The following GART variants were observed in gnomAD, a reference collection of about 807,000 sequenced individuals.
The protein encoded by GART is phosphoribosylglycinamide formyltransferase, phosphoribosylglycinamide synthetase, phosphoribosylaminoimidazole synthetase, also known as trifunctional purine biosynthetic protein adenosine-3.
Under a neutral mutation model 107.2 loss-of-function variants are expected in GART, and 43 were observed. The ratio of observed to expected loss-of-function variants is 0.40; its 90% CI spans 0.31 to 0.52. GART has a LOEUF of 0.52. Ranked by LOEUF, GART falls within the 20% of genes least tolerant of loss-of-function variation. GART has a pLI of 0.52. For missense variants in GART, 1,107 were observed against 1,206.5 expected (o/e 0.92, Z 1.22); for synonymous variants, 434 against 427.0 (o/e 1.02, Z -0.20).
Position 33,528,346 on chromosome 21 carries a change from A to C in GART, c.898-11T>G. 6.2e-7 allele frequency: 1 copy of C among 1,613,140 alleles called. No individual in the cohort carries two copies. The highest frequency in any genetic ancestry group is 1.3e-5 in the African/African-American group (1 of 75,052). On this transcript the variant is annotated splice_polypyrimidine_tract_variant and intron_variant, in intron 9 of 21. Coordinates refer to ENST00000381815, the MANE Select transcript of GART (RefSeq NM_000819.5). ...AAGTGGGAGGATTACCTGGAAAAACATAATCCACATGGCAGGTGGGATAAA... is the reference window on the plus strand; with the variant it reads ...AAGTGGGAGGATTACCTGGAAAAACCTAATCCACATGGCAGGTGGGATAAA...
chr21:33,507,596 G>A (rs543903231), intron 18 of GART, among the ~76,000 whole-genome samples: 4 of 152,230 alleles, frequency 2.6e-5, no homozygotes, highest in Admixed American at 6.5e-5. Flanking sequence ...CAAGGCAGGC[G>A]GATCATACTG....
rs773361789 is a variant in GART at position 33,539,165 on chromosome 21, G to T, written c.145+6C>A. On this transcript the variant is annotated splice_donor_region_variant and intron_variant, in intron 2 of 21. Coordinates refer to ENST00000381815, the MANE Select transcript of GART (RefSeq NM_000819.5). ...ACTATTACTCCCCACTTTAAAACAT[G>T]ATTACCGGTATTTGAAATCTTTTCA... 1 of 1,610,168 alleles carries T rather than the reference G, an allele frequency of 6.2e-7. No homozygotes were observed. The highest frequency in any genetic ancestry group is 1.3e-5 in the African/African-American group (1 of 74,598).
chr21:33,524,770 T>G lies in GART; in HGVS notation c.1297A>C (p.Arg433=). ...CAGCTAACTTGCTTAGAGTTTTACCTGGGCTGCTGGAGGAAAGCTATGGCA... is the reference window on the plus strand; with the variant it reads ...CAGCTAACTTGCTTAGAGTTTTACCGGGGCTGCTGGAGGAAAGCTATGGCA... ...FRAIAFLQQP[R]SLTYKESGVD... Residue 433 remains arginine (R), a splice_region_variant and synonymous_variant, in exon 11 of 22, where the codon AGG becomes CGG. Coordinates refer to ENST00000381815, the MANE Select transcript of GART (RefSeq NM_000819.5). 9 of 1,614,226 alleles carry G rather than the reference T, an allele frequency of 5.6e-6. No homozygotes were observed. Among genetic ancestry groups the G allele is most frequent in the Non-Finnish European group, 7.6e-6 (9 of 1,180,038 alleles).
chr21:33,516,812 A>G (rs1274725286), intron 16 of GART, among the ~76,000 whole-genome samples, 177 bp downstream of exon 16: 1 of 152,198 alleles, frequency 6.6e-6, no homozygotes, highest in Admixed American at 6.5e-5. Flanking sequence ...TCTTATAAAT[A>G]CAGATAATGA....
intron 2 of GART, among the ~76,000 whole-genome samples, chr21:33,538,689 A>AGGTT (rs1305706875): frequency 6.6e-6 from 1 of 152,230 alleles, no homozygotes; most frequent in Non-Finnish European, 1.5e-5. Context: ...TCTGAACAAT[A>AGGTT]GGTTACCTTA....
chr21:33,520,730 A>G (rs1416850338), intron 13 of GART, 168 bp from the exon 14 acceptor site: 2 of 702,306 alleles, frequency 2.8e-6, no homozygotes, highest in African/African-American at 3.6e-5. Context: ...CTTCCATCCA[A>G]ATATAATCTA....
intron 11 of GART, among the ~76,000 whole-genome samples, chr21:33,523,576 C>T (rs780259913): frequency 6.6e-6 from 1 of 152,128 alleles, no homozygotes; most frequent in Non-Finnish European, 1.5e-5. Context: ...CTCTTGGTAA[C>T]AGTATAGCTT....
intron 18 of GART, 102 bp from the exon 19 acceptor site, chr21:33,506,206 C>T (rs755865696): frequency 3.6e-5 from 48 of 1,324,396 alleles, no homozygotes; most frequent in Middle Eastern, 2.4e-4. Context: ...TGCAGTGCCA[C>T]GATCTGGGTT....
At chr21:33,510,678 G>A (rs780909778) in intron 17 of GART, among the ~76,000 whole-genome samples, 6 of 152,126 alleles carry the variant, frequency 3.9e-5, no homozygotes, top group East Asian at 1.9e-4. Context: ...TTATCTTTCC[G>A]GCATTTGGAG....
rs2145718288 is a variant in GART, at chr21:33,522,201, G to A, written c.1380C>T (p.Ala460=). ...AGGATCACTGACCTGATCTGGAAGT[G>A]GCTTTTGCTAAAGGCTGAATTTTCT... ...LVKKIQPLAK[A]TSRSGCKVDL... The change falls in exon 12 of 22, where the codon GCC becomes GCT. Residue 460 remains alanine (A), a synonymous_variant. Transcript: ENST00000381815. 1.9e-6 allele frequency: 3 copies of A among 1,612,890 alleles called. No individual in the cohort carries two copies. The highest frequency in any genetic ancestry group is 2.5e-6 in the Non-Finnish European group (3 of 1,178,998).
chr21:33,517,233 T>C (rs2084894968), intron 15 of GART, 92 bp from the exon 16 acceptor site: 2 of 1,559,592 alleles, frequency 1.3e-6, no homozygotes, highest in Admixed American at 1.8e-5. Flanking sequence ...AGCTCTACAA[T>C]AATGACCAAG....
chr21:33,534,626 T>C lies in GART; in HGVS notation c.369A>G (p.Gln123=), dbSNP rs761909614. Residue 123 remains glutamine (Q), a synonymous_variant, in exon 4 of 22, where the codon CAA becomes CAG. Coordinates refer to ENST00000381815, the MANE Select transcript of GART (RefSeq NM_000819.5). ...CTTCAGGTTTGGTGAAAGCCTTCCATTGTGCGGTTGGGATTCCATGTCTGT... is the reference window on the plus strand; with the variant it reads ...CTTCAGGTTTGGTGAAAGCCTTCCACTGTGCGGTTGGGATTCCATGTCTGT... The part of the protein sequence containing the change: ...FMDRHGIPTA[Q]WKAFTKPEEA... The C allele has an allele frequency of 1.3e-5, 21 of 1,614,094 alleles. No individual in the cohort carries two copies. The Admixed American group carries it at 2.3e-4, about 18-fold the overall frequency.
chr21:33,538,037 G>A (rs1315204194), intron 2 of GART, among the ~76,000 whole-genome samples: 1 of 152,066 alleles, frequency 6.6e-6, no homozygotes, highest in Non-Finnish European at 1.5e-5. Flanking sequence ...GAGGTCAGGA[G>A]TTTGAGACCA....
At chr21:33,526,671 T>G (rs868528842) in intron 10 of GART, among the ~76,000 whole-genome samples, 5 of 152,196 alleles carry the variant, frequency 3.3e-5, no homozygotes, top group African/African-American at 9.7e-5. Context: ...AAACTTGGCT[T>G]AAATTAAGTT....
chr21:33,508,810 C>T (rs377340822), intron 18 of GART, among the ~76,000 whole-genome samples: 40 of 152,224 alleles, frequency 2.6e-4, no homozygotes, highest in African/African-American at 8.7e-4. Flanking sequence ...CCACAGCACC[C>T]GGCCCTATTG....
At chr21:33,520,698 CCCTTTTATCCTCTAA>C in intron 13 of GART, 136 bp from the exon 14 acceptor site, 1 of 762,702 alleles carries the variant, frequency 1.3e-6, no homozygotes, top group Non-Finnish European at 2.1e-6. Flanking sequence ...TAAAAGCATC[CCCTTTTATCCTCTAA>C]AGTACCCTTC....
At chr21:33,531,371 C>G (rs752569913) in intron 6 of GART, 118 bp downstream of exon 6, 107 of 835,444 alleles carry the variant, frequency 1.3e-4, no homozygotes, top group Non-Finnish European at 1.9e-4. Context: ...TCCTTTGTAA[C>G]TGCTGGGTTT....
rs1451617675 is a variant in GART, at chr21:33,539,089, T to G, written c.145+82A>C. 4 of 1,340,202 alleles carry G rather than the reference T, an allele frequency of 3.0e-6. No individual in the cohort carries two copies. In the African/African-American group the frequency reaches 5.9e-5, roughly 20 times the overall value. 83.0% of individuals were successfully genotyped at this position (1,340,202 alleles called of 1,614,324 possible). On this transcript the variant is annotated intron_variant, in intron 2 of 21. Transcript: ENST00000381815. ...GCCACTGTGCCCAGCCTATCTTTAT[T>G]AACATAAAGTACAGATATGGTTGAC...
intron 14 of GART, among the ~76,000 whole-genome samples, chr21:33,517,913 T>TTA (rs2084907311): frequency 6.6e-6 from 1 of 152,232 alleles, no homozygotes; most frequent in Non-Finnish European, 1.5e-5. Flanking sequence ...CTATAGCTGT[T>TTA]TAGTTTCAAA....
Sources: gnomAD v4.1 joint callset for allele counts (sites outside exome capture counted in the v4.1 genomes callset) on GRCh38, gnomAD v4.1.1 for gene constraint, MANE v1.5 for transcripts, NCBI Gene and HGNC (gene_info 2026-07-23, HGNC 2026-07-21) for gene names.